Variants in HYDIN observed in about 807,000 individuals in gnomAD.
HYDIN encodes axonemal central pair apparatus protein HYDIN.
A neutral mutation model predicts 403.9 loss-of-function variants in HYDIN; 132 were observed. The ratio of observed to expected loss-of-function variants is 0.33; its 90% CI spans 0.28 to 0.38. The LOEUF (loss-of-function observed/expected upper bound fraction) is 0.38, where lower values mean the gene tolerates loss of function less well. Ranked by LOEUF, HYDIN falls within the 10% of genes least tolerant of loss-of-function variation. HYDIN has a pLI of 1.00. For synonymous variants in HYDIN, 1,202 were observed against 1,891.7 expected, an observed-to-expected ratio of 0.64 and a Z score of 9.46; for missense variants, 2,827 against 5,009.5, an observed-to-expected ratio of 0.56 and a Z score of 13.15.
chr16:71,205,729 G>A (rs1390230738), intron 1 of HYDIN, among the ~76,000 whole-genome samples: 2 of 152,216 alleles, frequency 1.3e-5, no homozygotes, highest in African/African-American at 4.8e-5. Context: ...ACTTGCTGGA[G>A]CCTCCAGCTC....
intron 5 of HYDIN, among the ~76,000 whole-genome samples, chr16:71,172,804 C>A (rs3114611): frequency 6.6e-6 from 1 of 152,362 alleles, no homozygotes; most frequent in South Asian, 2.1e-4. Context: ...AGAGTGTTCA[C>A]ATCAGCAGGG....
At chr16:70,927,097 G>A (rs2077177335) in intron 45 of HYDIN, among the ~76,000 whole-genome samples, 1 of 151,504 alleles carries the variant, frequency 6.6e-6, no homozygotes, top group Admixed American at 6.6e-5. Flanking sequence ...GTGGCTAATG[G>A]TTCCCAGCCC....
Position 70,913,161 on chromosome 16 carries a change from C to A in HYDIN, c.8005-4300G>T, listed in dbSNP as rs1488965715. On this transcript the variant is annotated intron_variant, in intron 47 of 85. Transcript: ENST00000393567. ...AGTTCTGCTCTGACCTTGGTTATTT[C>A]CTTTCTTCTGCTGGGTTTGGGTTTG... is the stretch of plus-strand genomic sequence containing the variant. Among the ~76,000 whole-genome samples, 5 of 148,366 alleles carry A rather than the reference C, an allele frequency of 3.4e-5. No individual in the cohort carries two copies. In the South Asian group the frequency reaches 1.1e-3, roughly 32 times the overall value.
chr16:71,186,888 C>A lies in HYDIN; in HGVS notation c.8G>T (p.Ser3Ile), dbSNP rs1246436400. The change falls in exon 2 of 86, where the codon AGT (serine) becomes ATT (isoleucine). Residue 3 changes from serine (S) to isoleucine (I), a missense_variant. Transcript: ENST00000393567. The stretch of plus-strand genomic sequence containing the variant: ...CCCCATGGACTCCTCAAGTCTTCTA[C>A]TTGTCATTTTTAGTAATTTTTTTTT... MT[S>I]RRLEESMGAV... The A allele has an allele frequency of 6.2e-7, 1 of 1,609,040 alleles. No individual in the cohort carries two copies. The highest frequency in any genetic ancestry group is 2.2e-5 in the East Asian group (1 of 44,800).
chr16:71,211,994 AT>A (rs2088617163), intron 1 of HYDIN, among the ~76,000 whole-genome samples: 1 of 152,190 alleles, frequency 6.6e-6, no homozygotes. Context: ...AAAAACGTCA[AT>A]GTGCTGAAAA....
chr16:71,071,258 C>T (rs1308531049), intron 13 of HYDIN, among the ~76,000 whole-genome samples: 1 of 148,274 alleles, frequency 6.7e-6, no homozygotes, highest in East Asian at 2.0e-4. Context: ...TTATGACCTC[C>T]TAGTTACAAC....
chr16:71,143,793 T>C (rs978591994), intron 7 of HYDIN, among the ~76,000 whole-genome samples: 4 of 152,310 alleles, frequency 2.6e-5, no homozygotes, highest in Non-Finnish European at 5.9e-5. Context: ...TTGGTATGCC[T>C]CTATTGGCCT....
At chr16:70,828,525 G>A (rs1597058395) in intron 81 of HYDIN, 96 bp from the exon 82 acceptor site, 1 of 601,904 alleles carries the variant, frequency 1.7e-6, no homozygotes, top group East Asian at 2.9e-5. Context: ...GAGGATAATG[G>A]AGGCTCTGGA....
At chr16:71,178,334 G>A (rs1053451863) in intron 4 of HYDIN, among the ~76,000 whole-genome samples, 4 of 150,464 alleles carry the variant, frequency 2.7e-5, no homozygotes, top group South Asian at 2.1e-4. Flanking sequence ...CAGGAGAATC[G>A]CTTGAACCCA....
intron 1 of HYDIN, among the ~76,000 whole-genome samples, chr16:71,223,548 G>A (rs2040892737): frequency 6.6e-6 from 1 of 152,052 alleles, no homozygotes; most frequent in African/African-American, 2.4e-5. Context: ...AACCCACAGG[G>A]TGGGAGAAAG....
intron 23 of HYDIN, among the ~76,000 whole-genome samples, chr16:71,002,650 C>T (rs549107038): frequency 6.4e-4 from 96 of 150,920 alleles, no homozygotes; most frequent in African/African-American, 2.1e-3. Context: ...ACACTTTTCA[C>T]GTTTGTATCT....
rs2076193192 is a variant in HYDIN at position 70,896,056 on chromosome 16, C to G, written c.9073G>C (p.Gly3025Arg). 1 of 1,613,178 alleles carries G rather than the reference C, an allele frequency of 6.2e-7. No homozygotes were observed. The highest frequency in any genetic ancestry group is 8.5e-7 in the Non-Finnish European group (1 of 1,179,838). ...LEVLDAENLL[G>R]VVQIENIMVF... is the part of the protein sequence containing the mutation. ...ATGATATTTTCAATCTGAACAACAC[C>G]AAGAAGATTTTCTGCATCTAAAACC... The change falls in exon 54 of 86, where the codon GGT (glycine) becomes CGT (arginine). Residue 3025 changes from glycine to arginine, a missense_variant. Coordinates refer to ENST00000393567, the MANE Select transcript of HYDIN (RefSeq NM_001270974.2).
In HYDIN at chr16:70,806,514, C is replaced by A. The variant is rs988476879; in HGVS notation, c.*1066G>T. Among the ~76,000 whole-genome samples the A allele has an allele frequency of 2.6e-5, 4 of 152,164 alleles. No individual in the cohort carries two copies. Among genetic ancestry groups the A allele is most frequent in the Non-Finnish European group, 5.9e-5 (4 of 68,036 alleles). On this transcript the variant is annotated 3_prime_UTR_variant, in exon 86 of 86. Coordinates refer to ENST00000393567, the MANE Select transcript of HYDIN (RefSeq NM_001270974.2). Reference sequence around the variant, plus strand: ...AGACTTTTTGATTCAGTCGATCTGACATGGGGACTGAGAGTTTGACTTTTA... The same window carrying A: ...AGACTTTTTGATTCAGTCGATCTGAAATGGGGACTGAGAGTTTGACTTTTA...
chr16:70,925,096 A>C (rs1051345049), intron 45 of HYDIN, among the ~76,000 whole-genome samples: 4 of 152,172 alleles, frequency 2.6e-5, no homozygotes, highest in African/African-American at 9.6e-5. Context: ...CTCCTAGCCT[A>C]GCTGACTGCC....
chr16:71,184,718 T>C (rs2087061830), intron 3 of HYDIN, 147 bp downstream of exon 3: 5 of 640,016 alleles, frequency 7.8e-6, no homozygotes, highest in Non-Finnish European at 5.3e-6. Flanking sequence ...ATCACAGATA[T>C]GAAGACATTC....
chr16:70,863,901 G>C (rs1285685877), intron 67 of HYDIN, among the ~76,000 whole-genome samples: 2 of 150,918 alleles, frequency 1.3e-5, no homozygotes, highest in Non-Finnish European at 2.9e-5. Flanking sequence ...AAGGAAGGAA[G>C]TCCCTGTGTT....
chr16:71,107,806 C>G (rs1352351230), intron 10 of HYDIN, among the ~76,000 whole-genome samples: 2 of 152,152 alleles, frequency 1.3e-5, no homozygotes, highest in Non-Finnish European at 2.9e-5. Flanking sequence ...TTTGACCCAG[C>G]AATACCATTA....
intron 53 of HYDIN, among the ~76,000 whole-genome samples, chr16:70,898,819 T>C (rs1206746069): frequency 6.7e-6 from 1 of 150,242 alleles, no homozygotes; most frequent in South Asian, 2.1e-4. Flanking sequence ...ACTTGGCTCA[T>C]TGCAACCTCC....
At chr16:71,126,654 C>G (rs957387635) in intron 9 of HYDIN, among the ~76,000 whole-genome samples, 4 of 152,072 alleles carry the variant, frequency 2.6e-5, no homozygotes, top group African/African-American at 7.2e-5. Context: ...CAGGAGGGGG[C>G]TGGGGGTAGG....
Sources: allele counts gnomAD v4.1 joint callset (sites outside exome capture counted in the v4.1 genomes callset), GRCh38; gene constraint gnomAD v4.1.1; transcripts MANE v1.5; gene names NCBI Gene and HGNC (gene_info 2026-07-23, HGNC 2026-07-21).